Variants in ZNF644 observed in about 807,000 individuals in gnomAD.
The protein encoded by ZNF644 is zinc finger protein 644.
Under a neutral mutation model 108.0 loss-of-function variants are expected in ZNF644, and 20 were observed. The observed-to-expected ratio is 0.19, with a 90% CI of 0.13 to 0.27. The LOEUF is 0.27. Ranked by LOEUF, ZNF644 falls within the 10% of genes least tolerant of loss-of-function variation. The pLI is 1.00. For missense variants in ZNF644, 1,338 were observed against 1,548.9 expected (o/e 0.86, Z 2.29); for synonymous variants, 542 against 539.1 (o/e 1.01, Z -0.08).
Position 90,939,617 on chromosome 1 carries a change from T to C in ZNF644, c.1737A>G (p.Ser579=). ...KTFMKDSVVG[S]SKKSATYICK... ...ATATGTAGGTAGCTGATTTTTTGGA[T>C]GATCCTACTACAGAGTCTTTCATGA... The change falls in exon 3 of 6, where the codon TCA becomes TCG. Residue 579 remains serine (S), a synonymous_variant. Transcript: ENST00000337393. 3 of 1,614,026 alleles carry C rather than the reference T, an allele frequency of 1.9e-6. No homozygotes were observed. Among genetic ancestry groups the C allele is most frequent in the East Asian group, 2.2e-5 (1 of 44,884 alleles).
chr1:90,926,295 T>C (rs61799210), intron 4 of ZNF644, among the ~76,000 whole-genome samples: 7,732 of 152,310 alleles, frequency 0.051, 271 homozygotes, highest in Middle Eastern at 0.12. Flanking sequence ...ACATGGGATG[T>C]ATGTAACATG....
intron 1 of ZNF644, among the ~76,000 whole-genome samples, chr1:91,012,221 C>A (rs1197047785): frequency 6.6e-6 from 1 of 151,906 alleles, no homozygotes; most frequent in African/African-American, 2.4e-5. Flanking sequence ...ATTCTCACTA[C>A]CCTTGGGAGG....
chr1:91,015,816 A>T (rs1660384061), intron 1 of ZNF644, among the ~76,000 whole-genome samples: 1 of 152,226 alleles, frequency 6.6e-6, no homozygotes, highest in South Asian at 2.1e-4. Flanking sequence ...CACAGGTGAA[A>T]ATCTCAAGTT....
intron 1 of ZNF644, among the ~76,000 whole-genome samples, chr1:90,986,746 T>A (rs1225525888): frequency 6.6e-6 from 1 of 151,784 alleles, no homozygotes; most frequent in Non-Finnish European, 1.5e-5. Flanking sequence ...ACTCCGAAAG[T>A]TCAGAAACAC....
chr1:90,973,514 T>G (rs1655705051), intron 2 of ZNF644, among the ~76,000 whole-genome samples: 1 of 152,170 alleles, frequency 6.6e-6, no homozygotes, highest in South Asian at 2.1e-4. Context: ...GAAAAAGTAC[T>G]TATAACAGTG....
chr1:90,961,090 G>T (rs113457256), intron 2 of ZNF644, among the ~76,000 whole-genome samples: 2 of 152,192 alleles, frequency 1.3e-5, no homozygotes, highest in East Asian at 3.9e-4. Flanking sequence ...AATAAAAAGC[G>T]ATACAAGTGG....
At chr1:90,920,845 G>A (rs1388632966) in intron 4 of ZNF644, among the ~76,000 whole-genome samples, 1 of 152,010 alleles carries the variant, frequency 6.6e-6, no homozygotes, top group Non-Finnish European at 1.5e-5. Flanking sequence ...TTTGGAAATT[G>A]AAATCTAAAT....
In ZNF644 at chr1:90,916,831, T is replaced by C; in HGVS notation, c.3951A>G (p.Ser1317=). 3 of 1,614,124 alleles carry C rather than the reference T, an allele frequency of 1.9e-6. No individual in the cohort carries two copies. The highest frequency in any genetic ancestry group is 2.5e-6 in the Non-Finnish European group (3 of 1,180,036). The part of the protein sequence containing the change: ...LKKPASITET[S]FSLLMAEAAS Reference sequence around the variant, plus strand: ...CTGCTTCGGCCATTAGTAGAGAAAATGAAGTTTCTGTAATGGAGGCAGGCT... The same window carrying C: ...CTGCTTCGGCCATTAGTAGAGAAAACGAAGTTTCTGTAATGGAGGCAGGCT... The change falls in exon 6 of 6, where the codon TCA becomes TCG. Residue 1317 remains serine (S), a synonymous_variant. Transcript: ENST00000337393.
At chr1:90,977,805 A>G (rs181295774) in intron 2 of ZNF644, among the ~76,000 whole-genome samples, 1 of 152,346 alleles carries the variant, frequency 6.6e-6, no homozygotes, top group East Asian at 1.9e-4. Context: ...TATACAGGCA[A>G]AAAATCCTGA....
At chr1:90,944,109 T>C (rs1012089471) in intron 2 of ZNF644, among the ~76,000 whole-genome samples, 1 of 152,214 alleles carries the variant, frequency 6.6e-6, no homozygotes, top group Admixed American at 6.5e-5. Flanking sequence ...GGCTTCACTG[T>C]TACCACCTCA....
intron 1 of ZNF644, among the ~76,000 whole-genome samples, chr1:91,008,227 AAAG>A (rs1485678960): frequency 2.6e-5 from 4 of 152,182 alleles, no homozygotes; most frequent in Non-Finnish European, 5.9e-5. Context: ...GTTGAATGTC[AAAG>A]AAGAAAACTT....
chr1:90,978,318 C>T (rs1656207664), intron 2 of ZNF644, among the ~76,000 whole-genome samples: 1 of 150,562 alleles, frequency 6.6e-6, no homozygotes, highest in Admixed American at 6.6e-5. Context: ...TGCCATTGCA[C>T]TCCAGCCTGG....
intron 4 of ZNF644, among the ~76,000 whole-genome samples, chr1:90,924,128 A>G (rs1649764468): frequency 6.6e-6 from 1 of 152,176 alleles, no homozygotes; most frequent in Non-Finnish European, 1.5e-5. Context: ...AATTAGAGGC[A>G]GGCTAGTTTT....
At chr1:90,999,506 C>G (rs184630635) in intron 1 of ZNF644, among the ~76,000 whole-genome samples, 187 of 152,260 alleles carry the variant, frequency 1.2e-3, no homozygotes, top group Admixed American at 3.5e-3. Flanking sequence ...AGATTTGTCA[C>G]CACCAGGCCT....
At chr1:91,021,740 C>T (rs1309602833) in intron 1 of ZNF644, 2 of 294,260 alleles carry the variant, frequency 6.8e-6, no homozygotes, top group African/African-American at 2.2e-5. Flanking sequence ...TCCCCGAACC[C>T]GGGGCCCGGG....
intron 1 of ZNF644, among the ~76,000 whole-genome samples, chr1:91,013,708 C>T (rs886454082): frequency 6.6e-6 from 1 of 152,110 alleles, no homozygotes; most frequent in Admixed American, 6.6e-5. Flanking sequence ...TCTGTAATTG[C>T]ACTGTCCAAT....
chr1:90,978,257 C>G (rs980922070), intron 2 of ZNF644, among the ~76,000 whole-genome samples: 2 of 151,502 alleles, frequency 1.3e-5, no homozygotes, highest in Non-Finnish European at 2.9e-5. Context: ...GAGGCTGAGG[C>G]AGGAGAAACG....
At chr1:91,020,589 GC>G (rs1321855836) in intron 1 of ZNF644, 2 of 152,168 alleles carry the variant, frequency 1.3e-5, no homozygotes, top group Non-Finnish European at 2.9e-5. Context: ...TTCTTAGCAA[GC>G]CTACCAAAAT....
intron 4 of ZNF644, among the ~76,000 whole-genome samples, chr1:90,920,132 C>A (rs188245238): frequency 6.1e-4 from 93 of 152,080 alleles, no homozygotes; most frequent in Non-Finnish European, 1.2e-3. Context: ...GTAAGTGCTA[C>A]TAGATGTCAG....
Sources: gnomAD v4.1 joint callset for allele counts (sites outside exome capture counted in the v4.1 genomes callset) on GRCh38, gnomAD v4.1.1 for gene constraint, MANE v1.5 for transcripts, NCBI Gene and HGNC (gene_info 2026-07-23, HGNC 2026-07-21) for gene names.